The following SGCZ variants were observed in gnomAD, a reference collection of about 807,000 sequenced individuals.
SGCZ encodes the protein zeta-sarcoglycan.
Under a neutral mutation model 41.3 loss-of-function variants are expected in SGCZ, and 40 were observed. The observed-to-expected ratio is 0.97, with a 90% CI of 0.75 to 1.26. The LOEUF is 1.26. SGCZ is among the 50% of genes most tolerant of loss of function. SGCZ has a pLI of 0.00. For synonymous variants in SGCZ, 206 were observed against 137.5 expected, an observed-to-expected ratio of 1.50 and a Z score of -3.49; for missense variants, 552 against 369.8, an observed-to-expected ratio of 1.49 and a Z score of -4.04.
At chr8:14,341,943 C>T (rs528888933) in intron 2 of SGCZ, among the ~76,000 whole-genome samples, 3 of 152,238 alleles carry the variant, frequency 2.0e-5, no homozygotes, top group Admixed American at 6.5e-5. Context: ...CAGAATAATA[C>T]AGTAAATTTG....
rs532823523 is a variant in SGCZ, at chr8:14,523,372, G to T, written c.234+31360C>A. 2.6e-5 allele frequency among the ~76,000 whole-genome samples: 4 copies of T among 151,808 alleles called. No individual in the cohort carries two copies. The South Asian group carries it at 8.3e-4, about 32-fold the overall frequency. On this transcript the variant is annotated intron_variant, in intron 2 of 7. Coordinates refer to ENST00000382080, the MANE Select transcript of SGCZ (RefSeq NM_139167.4). ...TTATTAGAGAATATTTCTTCATTTTGTCCTCCATCTGATAATGTCTTAAAT... is the reference window on the plus strand; with the variant it reads ...TTATTAGAGAATATTTCTTCATTTTTTCCTCCATCTGATAATGTCTTAAAT...
intron 1 of SGCZ, among the ~76,000 whole-genome samples, chr8:14,835,670 T>C (rs994320774): frequency 1.2e-4 from 18 of 152,204 alleles, no homozygotes; most frequent in South Asian, 4.1e-4. Flanking sequence ...TCATTACTTA[T>C]GTTTGCTGCG....
At chr8:14,297,465 T>A (rs1025066237) in intron 3 of SGCZ, among the ~76,000 whole-genome samples, 8 of 151,318 alleles carry the variant, frequency 5.3e-5, no homozygotes, top group Non-Finnish European at 1.0e-4. Context: ...AAAACAGAAG[T>A]ATCTTATTTG....
intron 1 of SGCZ, among the ~76,000 whole-genome samples, chr8:14,812,239 C>G (rs1053487812): frequency 2.0e-5 from 3 of 151,680 alleles, no homozygotes; most frequent in Non-Finnish European, 2.9e-5. Context: ...ACTTGTAAAT[C>G]AATTTATTTT....
intron 2 of SGCZ, among the ~76,000 whole-genome samples, chr8:14,548,843 T>C (rs1803711380): frequency 6.6e-6 from 1 of 152,178 alleles, no homozygotes; most frequent in South Asian, 2.1e-4. Context: ...GAAATTGTTC[T>C]ATTCCATTGA....
chr8:14,792,281 G>A (rs189595172), intron 1 of SGCZ, among the ~76,000 whole-genome samples: 1 of 152,250 alleles, frequency 6.6e-6, no homozygotes, highest in East Asian at 1.9e-4. Flanking sequence ...GATGATTTCA[G>A]AATCTCTATA....
At chr8:15,175,968 A>G (rs1303882475) in intron 1 of SGCZ, among the ~76,000 whole-genome samples, 1 of 152,198 alleles carries the variant, frequency 6.6e-6, no homozygotes, top group African/African-American at 2.4e-5. Flanking sequence ...TGCAGCTTTC[A>G]GACAGCATTA....
intron 1 of SGCZ, among the ~76,000 whole-genome samples, chr8:14,702,588 C>T (rs1476712296): frequency 1.3e-5 from 2 of 151,840 alleles, no homozygotes; most frequent in Non-Finnish European, 2.9e-5. Flanking sequence ...CCCAATCCCC[C>T]ACAACCAACC....
chr8:14,463,956 T>C (rs1800975799), intron 2 of SGCZ, among the ~76,000 whole-genome samples: 1 of 149,888 alleles, frequency 6.7e-6, no homozygotes, highest in African/African-American at 2.5e-5. Context: ...CATCCTTGCA[T>C]CCAGGAATAA....
chr8:14,449,108 C>T (rs1162592220), intron 2 of SGCZ, among the ~76,000 whole-genome samples: 1 of 152,158 alleles, frequency 6.6e-6, no homozygotes, highest in African/African-American at 2.4e-5. Context: ...CCCTGCAGCC[C>T]AGGCATAGCA....
chr8:14,588,156 G>C, intron 1 of SGCZ, among the ~76,000 whole-genome samples: 1 of 149,108 alleles, frequency 6.7e-6, no homozygotes, highest in Non-Finnish European at 1.5e-5. Context: ...GACCAAATTA[G>C]AATATGATAA....
chr8:14,950,990 G>A (rs1056195396), intron 1 of SGCZ, among the ~76,000 whole-genome samples: 1 of 151,940 alleles, frequency 6.6e-6, no homozygotes, highest in African/African-American at 2.4e-5. Context: ...GAGAGCAAAG[G>A]GATACAGTAA....
At chr8:14,358,622 A>G (rs138665212) in intron 2 of SGCZ, among the ~76,000 whole-genome samples, 1 of 152,072 alleles carries the variant, frequency 6.6e-6, no homozygotes, top group Non-Finnish European at 1.5e-5. Flanking sequence ...ATATATATAT[A>G]TTTTTTTGAG....
intron 1 of SGCZ, among the ~76,000 whole-genome samples, chr8:15,108,004 T>C (rs1172157647): frequency 6.6e-6 from 1 of 152,208 alleles, no homozygotes; most frequent in East Asian, 1.9e-4. Flanking sequence ...TTCGAATTTA[T>C]ACAGTCTTAT....
intron 1 of SGCZ, among the ~76,000 whole-genome samples, chr8:15,097,888 G>GTATATATATATACACGTGTATATATA (rs1563124124): frequency 6.6e-4 from 80 of 120,656 alleles, no homozygotes; most frequent in African/African-American, 2.7e-3. Flanking sequence ...ATATACGTGT[G>GTATATATATATACACGTGTATATATA]TATATATATA....
intron 1 of SGCZ, among the ~76,000 whole-genome samples, chr8:15,088,318 A>C (rs528981181): frequency 1.9e-3 from 286 of 152,260 alleles, no homozygotes; most frequent in African/African-American, 6.5e-3. Context: ...GTTGTCTATT[A>C]AATGTCTATG....
intron 2 of SGCZ, among the ~76,000 whole-genome samples, chr8:14,500,874 G>C (rs1003543794): frequency 6.6e-6 from 1 of 151,822 alleles, no homozygotes; most frequent in African/African-American, 2.4e-5. Context: ...AAGACAAAAA[G>C]TAGTTCAGGA....
intron 1 of SGCZ, among the ~76,000 whole-genome samples, chr8:14,923,553 C>T (rs1445236071): frequency 6.6e-6 from 1 of 152,082 alleles, no homozygotes; most frequent in African/African-American, 2.4e-5. Flanking sequence ...CATGGTGTCC[C>T]TATCTGTTCA....
intron 1 of SGCZ, among the ~76,000 whole-genome samples, chr8:14,936,431 CT>C (rs1423017660): frequency 6.6e-6 from 1 of 151,746 alleles, no homozygotes; most frequent in Non-Finnish European, 1.5e-5. Flanking sequence ...TAATGAATAT[CT>C]CGTAATTTAT....
Sources: allele counts gnomAD v4.1 joint callset (sites outside exome capture counted in the v4.1 genomes callset), GRCh38; gene constraint gnomAD v4.1.1; transcripts MANE v1.5; gene names NCBI Gene and HGNC (gene_info 2026-07-23, HGNC 2026-07-21).